Variants in SARS2 observed in about 807,000 individuals in gnomAD.
The protein encoded by SARS2 is serine--tRNA ligase, mitochondrial.
A neutral mutation model predicts 66.8 loss-of-function variants in SARS2; 52 were observed. That is an observed-to-expected ratio of 0.78 (90% CI 0.62 to 0.98). The LOEUF (loss-of-function observed/expected upper bound fraction) is 0.98, where lower values mean the gene tolerates loss of function less well. Among genes scored for constraint, SARS2 ranks in the 50% least tolerant of loss-of-function variants. SARS2 has a pLI of 0.00. For synonymous variants in SARS2, 306 were observed against 281.4 expected (o/e 1.09, Z -0.87); for missense variants, 673 against 706.3 (o/e 0.95, Z 0.53).
intron 2 of SARS2, among the ~76,000 whole-genome samples, chr19:38,923,501 C>T (rs1161485841): frequency 6.7e-6 from 1 of 148,272 alleles, no homozygotes; most frequent in African/African-American, 2.5e-5. Context: ...GGATTACAGG[C>T]GTGAGCCACC....
intron 1 of SARS2, chr19:38,929,969 T>C (rs1170425336): frequency 1.3e-5 from 2 of 156,396 alleles, no homozygotes; most frequent in African/African-American, 2.4e-5. Flanking sequence ...ATCAGTTTAA[T>C]AGAACCATTC....
At chr19:38,918,889 C>T (rs1974468732) in intron 7 of SARS2, 76 bp from the exon 8 acceptor site, 2 of 1,412,762 alleles carry the variant, frequency 1.4e-6, no homozygotes, top group Admixed American at 2.0e-5. Flanking sequence ...AGAAGGGGTG[C>T]TGCAGAGCCC....
At chr19:38,926,616 T>A (rs946889052) in intron 1 of SARS2, among the ~76,000 whole-genome samples, 8 of 151,354 alleles carry the variant, frequency 5.3e-5, no homozygotes, top group African/African-American at 1.7e-4. Flanking sequence ...TGAAACCCCA[T>A]CTCTACTAAA....
At chr19:38,921,955 T>C (rs929547533) in intron 3 of SARS2, 31 of 1,549,384 alleles carry the variant, frequency 2.0e-5, no homozygotes, top group Non-Finnish European at 2.6e-5. Context: ...CCCAGGACTT[T>C]AACTGGAACT....
At chr19:38,917,888 AC>A in intron 11 of SARS2, 32 bp downstream of exon 11, 1 of 1,612,468 alleles carries the variant, frequency 6.2e-7, no homozygotes, top group Non-Finnish European at 8.5e-7. Context: ...GTGGCCCCCC[AC>A]CCCAGCCCCG....
intron 1 of SARS2, 75 bp downstream of exon 1, chr19:38,930,395 C>T: frequency 6.6e-7 from 1 of 1,512,658 alleles, no homozygotes; most frequent in South Asian, 1.3e-5. Flanking sequence ...CGCCCCCTGC[C>T]GGAGGGCATC....
At chr19:38,918,362 G>T in intron 9 of SARS2, 60 bp downstream of exon 9, 2 of 1,476,744 alleles carry the variant, frequency 1.4e-6, no homozygotes, top group Non-Finnish European at 1.9e-6. Flanking sequence ...CTCCCTGGAC[G>T]CTCCCAGTTG....
intron 3 of SARS2, 81 bp downstream of exon 3, chr19:38,922,157 T>TA: frequency 6.2e-7 from 1 of 1,601,642 alleles, no homozygotes; most frequent in Admixed American, 1.7e-5. Context: ...TGTTTTCTGT[T>TA]ACAATAGTAG....
rs1974726073 is a variant in SARS2, at chr19:38,930,681, C to T, written c.56G>A (p.Arg19Gln). ...GTTGGAGATGCAGCCTCCCCGGGGC[C>T]GGAACCCCCGACGAGTCAGCAAAGG... The part of the protein sequence containing the change: ...LWPLLTRRGF[R>Q]PRGGCISNDS... The change falls in exon 1 of 16, where the codon CGG (arginine) becomes CAG (glutamine). Residue 19 changes from arginine (R) to glutamine (Q), a missense_variant. By Grantham distance (43) the Arg-to-Gln change is conservative. Transcript: ENST00000221431. The T allele has an allele frequency of 6.2e-6, 10 of 1,613,890 alleles. No homozygotes were observed. Among genetic ancestry groups the T allele is most frequent in the Non-Finnish European group, 8.5e-6 (10 of 1,180,040 alleles).
At chr19:38,921,740 A>C in intron 3 of SARS2, 73 bp from the exon 4 acceptor site, 1 of 1,582,744 alleles carries the variant, frequency 6.3e-7, no homozygotes, top group South Asian at 1.1e-5. Context: ...CTTGATCCTG[A>C]CCGGCAGAGC....
intron 5 of SARS2, among the ~76,000 whole-genome samples, chr19:38,920,525 C>T (rs750626825): frequency 4.0e-5 from 6 of 151,636 alleles, no homozygotes; most frequent in Non-Finnish European, 7.4e-5. Context: ...GAGACAGGGA[C>T]CAAAGCAGGG....
rs753664989 is a variant in SARS2 at position 38,930,513 on chromosome 19, T to G, written c.224A>C (p.Glu75Ala). The change falls in exon 1 of 16, where the codon GAG becomes GCG. Residue 75 changes from glutamate (E) to alanine (A), a missense_variant. By Grantham distance (107) the Glu-to-Ala change is moderately radical. Coordinates refer to ENST00000221431, the MANE Select transcript of SARS2 (RefSeq NM_017827.4). ...CGAGCGCAGCTCCCCCTTGCGGAGCTCCAGGGCGTGTGCGGCCTCTTCTGG... is the reference window on the plus strand; with the variant it reads ...CGAGCGCAGCTCCCCCTTGCGGAGCGCCAGGGCGTGTGCGGCCTCTTCTGG... ...ACPEEAAHAL[E>A]LRKGELRSAD... 135 of 1,612,290 alleles carry G rather than the reference T, an allele frequency of 8.4e-5. No homozygotes were observed. Among genetic ancestry groups the G allele is most frequent in the Non-Finnish European group, 1.1e-4 (131 of 1,179,640 alleles).
At chr19:38,927,165 C>T (rs548591753) in intron 1 of SARS2, among the ~76,000 whole-genome samples, 6 of 151,972 alleles carry the variant, frequency 3.9e-5, no homozygotes, top group Non-Finnish European at 5.9e-5. Context: ...CTGGAATTCC[C>T]GGCCTCACGC....
At chr19:38,928,103 G>A (rs1328760044) in intron 1 of SARS2, among the ~76,000 whole-genome samples, 2 of 151,864 alleles carry the variant, frequency 1.3e-5, no homozygotes, top group East Asian at 3.9e-4. Flanking sequence ...GAATAGCCAG[G>A]CGCAGTGGCT....
chr19:38,917,034 C>T (rs1437191188), intron 12 of SARS2, among the ~76,000 whole-genome samples: 1 of 151,580 alleles, frequency 6.6e-6, no homozygotes, highest in African/African-American at 2.4e-5. Context: ...ATGATCACAG[C>T]TCATTGTAGC....
intron 1 of SARS2, among the ~76,000 whole-genome samples, chr19:38,926,810 T>C (rs150098120): frequency 2.2e-4 from 33 of 151,206 alleles, no homozygotes; most frequent in African/African-American, 7.5e-4. Flanking sequence ...GTCTCTAAAC[T>C]AGCACTTTAA....
chr19:38,916,431 G>A (rs922760782), intron 12 of SARS2, 117 bp from the exon 13 acceptor site: 23 of 872,610 alleles, frequency 2.6e-5, no homozygotes, highest in Middle Eastern at 2.8e-4. Flanking sequence ...CCAGGAGTTT[G>A]AGACCAGCCT....
rs764154009 is a variant in SARS2 at position 38,916,098 on chromosome 19, T to G, written c.1286A>C (p.Gln429Pro). ...VTSASNCTDF[Q>P]SRRLHIMFQT... ...GAACATGATGTGGAGGCGGCGGCTC[T>G]GGAAGTCTGTGCAGTTGGAAGCACT... Residue 429 changes from glutamine (Q) to proline (P), a missense_variant, in exon 14 of 16, where the codon CAG becomes CCG. Coordinates refer to ENST00000221431, the MANE Select transcript of SARS2 (RefSeq NM_017827.4). The G allele has an allele frequency of 6.2e-7, 1 of 1,613,902 alleles. No homozygotes were observed. Among genetic ancestry groups the G allele is most frequent in the Non-Finnish European group, 8.5e-7 (1 of 1,179,952 alleles).
intron 12 of SARS2, among the ~76,000 whole-genome samples, 175 bp downstream of exon 12, chr19:38,917,549 C>T (rs550730571): frequency 1.7e-4 from 26 of 152,330 alleles, no homozygotes; most frequent in African/African-American, 5.3e-4. Context: ...GAGGGACGAC[C>T]GGCACACGGC....
Sources: allele counts gnomAD v4.1 joint callset (sites outside exome capture counted in the v4.1 genomes callset), GRCh38; gene constraint gnomAD v4.1.1; transcripts MANE v1.5; gene names NCBI Gene and HGNC (gene_info 2026-07-23, HGNC 2026-07-21).